The following PIK3C3 variants were observed in gnomAD, a reference collection of about 807,000 sequenced individuals.
PIK3C3 encodes the protein phosphatidylinositol 3-kinase catalytic subunit type 3, also known as PI3-kinase type 3.
Under a neutral mutation model 126.1 loss-of-function variants are expected in PIK3C3, and 95 were observed. The ratio of observed to expected loss-of-function variants is 0.75; its 90% CI spans 0.64 to 0.89. The LOEUF (loss-of-function observed/expected upper bound fraction) is 0.89. Among genes scored for constraint, PIK3C3 ranks in the 40% least tolerant of loss-of-function variants. PIK3C3 has a pLI of 0.00. For missense variants in PIK3C3, 829 were observed against 1,063.2 expected (o/e 0.78, Z 3.06); for synonymous variants, 374 against 360.0 (o/e 1.04, Z -0.44).
chr18:42,048,900 A>G (rs995595180), intron 20 of PIK3C3, among the ~76,000 whole-genome samples: 7 of 152,216 alleles, frequency 4.6e-5, no homozygotes, highest in Admixed American at 4.6e-4. Flanking sequence ...AAAGGGTGCT[A>G]TTTGCTAAAT....
chr18:42,071,309 A>G (rs994907836), intron 24 of PIK3C3, among the ~76,000 whole-genome samples: 2 of 152,224 alleles, frequency 1.3e-5, no homozygotes, highest in Non-Finnish European at 2.9e-5. Flanking sequence ...TTCAACATTT[A>G]TTGGAATGTA....
intron 3 of PIK3C3, among the ~76,000 whole-genome samples, chr18:41,962,977 A>G (rs992771976): frequency 1.3e-5 from 2 of 152,150 alleles, no homozygotes; most frequent in African/African-American, 4.8e-5. Flanking sequence ...TAATATTGAC[A>G]GAAAGGATGA....
At chr18:42,074,043 ACT>A (rs1985881736) in intron 24 of PIK3C3, among the ~76,000 whole-genome samples, 1 of 152,040 alleles carries the variant, frequency 6.6e-6, no homozygotes, top group Non-Finnish European at 1.5e-5. Context: ...GCTGGTGTTA[ACT>A]CTTCCATTTT....
intron 13 of PIK3C3, among the ~76,000 whole-genome samples, chr18:42,021,550 T>C (rs1424252931): frequency 6.6e-6 from 1 of 152,210 alleles, no homozygotes; most frequent in Non-Finnish European, 1.5e-5. Context: ...CAGCCTTCTT[T>C]ACCTTTGGGA....
intron 5 of PIK3C3, 43 bp from the exon 6 acceptor site, chr18:41,990,416 G>A: frequency 8.9e-7 from 1 of 1,126,944 alleles, no homozygotes; most frequent in Non-Finnish European, 1.3e-6. Flanking sequence ...TTAAGAGAAT[G>A]TTGAAAATAA....
intron 13 of PIK3C3, chr18:42,027,175 T>C (rs1983607285): frequency 4.7e-6 from 1 of 213,878 alleles, no homozygotes; most frequent in South Asian, 8.0e-5. Flanking sequence ...TAGGAGAAAA[T>C]GCTTGTTTTG....
At chr18:42,015,980 T>C (rs1598898297) in intron 12 of PIK3C3, among the ~76,000 whole-genome samples, 1 of 152,278 alleles carries the variant, frequency 6.6e-6, no homozygotes, top group East Asian at 1.9e-4. Context: ...AGTAGACACA[T>C]TTTTGAGATA....
chr18:41,957,688 G>GT lies in PIK3C3; in HGVS notation c.192dup (p.Ala65CysfsTer18). The GT allele has an allele frequency of 6.2e-7, 1 of 1,613,942 alleles. No individual in the cohort carries two copies. The highest frequency in any genetic ancestry group is 8.5e-7 in the Non-Finnish European group (1 of 1,179,914). On this transcript the variant is annotated frameshift_variant, in exon 2 of 25. Coordinates refer to ENST00000262039, the MANE Select transcript of PIK3C3 (RefSeq NM_002647.4). LOFTEE classifies it high-confidence loss of function. ...CTCTGATCTTTATGTTACTTGTCAA[G>GT]TTTTTGCAGAAGGGAAGCCTTTGGC...
chr18:42,032,902 T>A (rs941017282), intron 15 of PIK3C3, among the ~76,000 whole-genome samples: 11 of 152,262 alleles, frequency 7.2e-5, no homozygotes, highest in African/African-American at 2.4e-4. Flanking sequence ...ATTTTACATC[T>A]TCTTTGTCCT....
chr18:41,963,360 A>G (rs546716734), intron 3 of PIK3C3, among the ~76,000 whole-genome samples: 6 of 152,282 alleles, frequency 3.9e-5, no homozygotes, highest in East Asian at 1.9e-4. Flanking sequence ...GTGGTGATCG[A>G]TGGCTTTTGT....
chr18:42,059,901 G>C (rs369221837), intron 22 of PIK3C3: 3 of 152,064 alleles, frequency 2.0e-5, no homozygotes, highest in East Asian at 3.9e-4. Context: ...GCAGGTAGCT[G>C]GAACTACAGG....
Position 42,004,406 on chromosome 18 carries a change from C to CA in PIK3C3, c.1038dup (p.Gln347ThrfsTer43). 2.5e-6 allele frequency: 4 copies of CA among 1,613,484 alleles called. No individual in the cohort carries two copies. The highest frequency in any genetic ancestry group is 3.4e-6 in the Non-Finnish European group (4 of 1,179,768). ...TTAATTGGGATCTACCTCAAGAGGC[C>CA]AAACAGGCCTTGGAACTTCTGGGAA... On this transcript the variant is annotated frameshift_variant, in exon 10 of 25. Transcript: ENST00000262039. LOFTEE classifies it high-confidence loss of function.
At chr18:42,047,656 T>G (rs528402168) in intron 20 of PIK3C3, among the ~76,000 whole-genome samples, 1 of 152,204 alleles carries the variant, frequency 6.6e-6, no homozygotes, top group African/African-American at 2.4e-5. Context: ...GTGATTCTTA[T>G]GTTCATCAAT....
At position 42,004,468 on chromosome 18, in the gene PIK3C3, T is replaced by A. The variant is rs770362199; in HGVS notation, c.1097T>A (p.Leu366Gln). The stretch of plus-strand genomic sequence containing the variant: ...ATGGATGTAGAGGACTCCTTGGAGC[T>A]GTTATCCTCTCATTACACCAACCCA... ...KPMDVEDSLE[L>Q]LSSHYTNPTV... Residue 366 changes from leucine (L) to glutamine (Q), a missense_variant, in exon 10 of 25, where the codon CTG becomes CAG. Coordinates refer to ENST00000262039, the MANE Select transcript of PIK3C3 (RefSeq NM_002647.4). 3 of 1,613,634 alleles carry A rather than the reference T, an allele frequency of 1.9e-6. No homozygotes were observed. Among genetic ancestry groups the A allele is most frequent in the Non-Finnish European group, 1.7e-6 (2 of 1,179,814 alleles).
At chr18:42,007,366 TAC>T (rs960084905) in intron 10 of PIK3C3, among the ~76,000 whole-genome samples, 1 of 152,144 alleles carries the variant, frequency 6.6e-6, no homozygotes, top group Non-Finnish European at 1.5e-5. Flanking sequence ...TAATTTTATT[TAC>T]AGTTTTTTTA....
chr18:41,989,057 T>C (rs1000574781), intron 5 of PIK3C3, among the ~76,000 whole-genome samples: 1 of 152,064 alleles, frequency 6.6e-6, no homozygotes, highest in Non-Finnish European at 1.5e-5. Context: ...TTAAGTAACC[T>C]CTTCAGACCT....
At chr18:42,040,930 T>A (rs1984286153) in intron 19 of PIK3C3, among the ~76,000 whole-genome samples, 189 bp downstream of exon 19, 1 of 152,214 alleles carries the variant, frequency 6.6e-6, no homozygotes, top group African/African-American at 2.4e-5. Flanking sequence ...ACATAGATTC[T>A]CAGTTCCTTG....
At position 42,049,572 on chromosome 18, in the gene PIK3C3, A is replaced by G. The variant is rs1222058071; in HGVS notation, c.2230A>G (p.Arg744Gly). The G allele has an allele frequency of 6.2e-7, 1 of 1,613,840 alleles. No homozygotes were observed. Among genetic ancestry groups the G allele is most frequent in the Admixed American group, 1.7e-5 (1 of 60,030 alleles). ...CACCTATATACTTGGAGTTGGAGACAGGCACCTGGATAACCTTTTGCTAAC... is the reference window on the plus strand; with the variant it reads ...CACCTATATACTTGGAGTTGGAGACGGGCACCTGGATAACCTTTTGCTAAC... ...VITYILGVGD[R>G]HLDNLLLTKT... is the part of the protein sequence containing the mutation. Residue 744 changes from arginine to glycine, a missense_variant, in exon 21 of 25, where the codon AGG becomes GGG. Transcript: ENST00000262039.
At chr18:42,047,963 C>T (rs1008192669) in intron 20 of PIK3C3, among the ~76,000 whole-genome samples, 1 of 152,154 alleles carries the variant, frequency 6.6e-6, no homozygotes, top group African/African-American at 2.4e-5. Flanking sequence ...AACCATTCAA[C>T]CCTGCCATTG....
Sources: gnomAD v4.1 joint callset for allele counts (sites outside exome capture counted in the v4.1 genomes callset) on GRCh38, gnomAD v4.1.1 for gene constraint, MANE v1.5 for transcripts, NCBI Gene and HGNC (gene_info 2026-07-23, HGNC 2026-07-21) for gene names.